PRLR: variants seen among roughly 807,000 people sequenced by gnomAD.
PRLR encodes hPRL receptor.
PRLR carries 13 observed loss-of-function variants against 40.2 expected under a neutral mutation model. The ratio of observed to expected loss-of-function variants is 0.32; its 90% confidence interval spans 0.21 to 0.51. The LOEUF (loss-of-function observed/expected upper bound fraction) is 0.51. Among genes scored for constraint, PRLR ranks in the 20% least tolerant of loss-of-function variants. The pLI is 0.97. For missense variants in PRLR, 656 were observed against 747.3 expected, an observed-to-expected ratio of 0.88 and a Z score of 1.42; for synonymous variants, 269 against 278.7, an observed-to-expected ratio of 0.97 and a Z score of 0.35.
chr5:35,158,593 G>A (rs1327035020), intron 1 of PRLR, among the ~76,000 whole-genome samples: 1 of 152,148 alleles, frequency 6.6e-6, no homozygotes, highest in Non-Finnish European at 1.5e-5. Flanking sequence ...AATGAAGGGT[G>A]AATATGTGCC....
intron 5 of PRLR, among the ~76,000 whole-genome samples, chr5:35,074,661 G>C (rs1317546967): frequency 6.6e-6 from 1 of 152,030 alleles, no homozygotes; most frequent in Non-Finnish European, 1.5e-5. Context: ...TACAGAACTA[G>C]ATAGTGGTGA....
intron 1 of PRLR, among the ~76,000 whole-genome samples, chr5:35,148,189 T>C (rs1303852536): frequency 1.3e-5 from 2 of 152,200 alleles, no homozygotes; most frequent in African/African-American, 4.8e-5. Context: ...TATTTTTGCC[T>C]TAATTATCTA....
intron 1 of PRLR, among the ~76,000 whole-genome samples, chr5:35,128,007 A>G (rs1773527516): frequency 6.6e-6 from 1 of 152,128 alleles, no homozygotes; most frequent in African/African-American, 2.4e-5. Context: ...TGAGGGTGCA[A>G]AAGAGATAGG....
At chr5:35,129,098 TA>T (rs1773566360) in intron 1 of PRLR, among the ~76,000 whole-genome samples, 1 of 152,134 alleles carries the variant, frequency 6.6e-6, no homozygotes, top group African/African-American at 2.4e-5. Flanking sequence ...CTGGTGGAGA[TA>T]AAAAGAGATG....
chr5:35,217,147 T>C (rs554850968), intron 1 of PRLR, among the ~76,000 whole-genome samples: 1 of 152,306 alleles, frequency 6.6e-6, no homozygotes. Flanking sequence ...TTCTGAGGCC[T>C]GTGATGACCT....
At chr5:35,148,883 G>A (rs947658747) in intron 1 of PRLR, among the ~76,000 whole-genome samples, 54 of 152,064 alleles carry the variant, frequency 3.6e-4, no homozygotes, top group Admixed American at 2.0e-3. Flanking sequence ...TACAGGTACC[G>A]TGTAAGTTCT....
chr5:35,062,853 C>T lies in PRLR; in HGVS notation c.*2236G>A, dbSNP rs950784652. The T allele has an allele frequency of 6.6e-6, 1 of 152,186 alleles. No homozygotes were observed. The highest frequency in any genetic ancestry group is 2.4e-5 in the African/African-American group (1 of 41,448). 9.4% of individuals were successfully genotyped at this position (152,186 alleles called of 1,614,324 possible). ...TCAGCATAATGTGAATCTTAAACTA[C>T]TGATATGTTTCTTTTTTTGCCTGCT... On this transcript the variant is annotated 3_prime_UTR_variant, in exon 10 of 10. Coordinates refer to ENST00000618457, the MANE Select transcript of PRLR (RefSeq NM_000949.7).
At chr5:35,161,056 T>A (rs1463397259) in intron 1 of PRLR, among the ~76,000 whole-genome samples, 1 of 152,254 alleles carries the variant, frequency 6.6e-6, no homozygotes, top group African/African-American at 2.4e-5. Context: ...CCATTTAACC[T>A]GCAAAAGCAA....
At chr5:35,223,421 T>G (rs755592226) in intron 1 of PRLR, among the ~76,000 whole-genome samples, 2 of 152,220 alleles carry the variant, frequency 1.3e-5, no homozygotes, top group Non-Finnish European at 2.9e-5. Context: ...GAGGCATTTG[T>G]AATTTTTAAA....
intron 1 of PRLR, chr5:35,130,261 G>C (rs964668233): frequency 6.6e-6 from 1 of 152,184 alleles, no homozygotes; most frequent in Non-Finnish European, 1.5e-5. Flanking sequence ...GATGTGGCTT[G>C]ATTTGGTTTA....
chr5:35,193,404 C>T (rs1206051627), intron 1 of PRLR, among the ~76,000 whole-genome samples: 1 of 152,180 alleles, frequency 6.6e-6, no homozygotes, highest in Non-Finnish European at 1.5e-5. Flanking sequence ...GCAAAGCACT[C>T]TATCATCTTA....
At chr5:35,169,723 T>C (rs1451857245) in intron 1 of PRLR, among the ~76,000 whole-genome samples, 1 of 152,234 alleles carries the variant, frequency 6.6e-6, no homozygotes, top group Non-Finnish European at 1.5e-5. Context: ...TTTTATCTTG[T>C]TCCTTACCCT....
intron 2 of PRLR, among the ~76,000 whole-genome samples, chr5:35,098,643 C>G (rs1771679153): frequency 6.6e-6 from 1 of 152,190 alleles, no homozygotes; most frequent in Non-Finnish European, 1.5e-5. Context: ...AAAGTCACTA[C>G]TGTATTCATA....
intron 2 of PRLR, among the ~76,000 whole-genome samples, chr5:35,109,461 C>A (rs535138220): frequency 6.6e-6 from 1 of 152,170 alleles, no homozygotes; most frequent in Non-Finnish European, 1.5e-5. Flanking sequence ...TTTTTACAAT[C>A]TACCCATCTG....
At chr5:35,145,539 T>C (rs1204732214) in intron 1 of PRLR, among the ~76,000 whole-genome samples, 1 of 152,234 alleles carries the variant, frequency 6.6e-6, no homozygotes, top group Non-Finnish European at 1.5e-5. Context: ...GAGGACTCTT[T>C]GAACTTGGCT....
At chr5:35,078,043 A>G (rs1770234520) in intron 5 of PRLR, among the ~76,000 whole-genome samples, 1 of 152,214 alleles carries the variant, frequency 6.6e-6, no homozygotes, top group Admixed American at 6.5e-5. Flanking sequence ...TCTCTGGGAC[A>G]CATTTAAAGC....
At chr5:35,109,005 G>A (rs925551307) in intron 2 of PRLR, among the ~76,000 whole-genome samples, 15 of 152,296 alleles carry the variant, frequency 9.8e-5, no homozygotes, top group African/African-American at 3.4e-4. Flanking sequence ...CATGGTACTA[G>A]TACCAAAACA....
chr5:35,095,816 T>C (rs547143021), intron 2 of PRLR, among the ~76,000 whole-genome samples: 28 of 152,366 alleles, frequency 1.8e-4, no homozygotes, highest in African/African-American at 6.5e-4. Flanking sequence ...CTTTCCATAG[T>C]GAATTACTTT....
rs1776688381 is a variant in PRLR at position 35,230,387 on chromosome 5, A to G, written c.-225T>C. 1 of 152,214 alleles carries G rather than the reference A, an allele frequency of 6.6e-6. No individual in the cohort carries two copies. The highest frequency in any genetic ancestry group is 2.1e-4 in the South Asian group (1 of 4,830). 9.4% of individuals were successfully genotyped at this position (152,214 alleles called of 1,614,324 possible). On this transcript the variant is annotated 5_prime_UTR_variant, in exon 1 of 10. Transcript: ENST00000618457. ...GTCGGTAAAATCCAGAAAGAGGGAG[A>G]AGGAGTGAGTAAGGCAGAAAGCCCA...
Sources: allele counts gnomAD v4.1 joint callset (sites outside exome capture counted in the v4.1 genomes callset), GRCh38; gene constraint gnomAD v4.1.1; transcripts MANE v1.5; gene names NCBI Gene and HGNC (gene_info 2026-07-23, HGNC 2026-07-21).